Variants in CSRNP3 observed in about 807,000 individuals in gnomAD.
The protein encoded by CSRNP3 is cysteine/serine-rich nuclear protein 3.
CSRNP3 carries 12 observed loss-of-function variants against 48.0 expected under a neutral mutation model. The observed-to-expected ratio is 0.25, with a 90% CI of 0.16 to 0.41. The LOEUF (loss-of-function observed/expected upper bound fraction) is 0.41. Among genes scored for constraint, CSRNP3 ranks in the 10% least tolerant of loss-of-function variants. The probability of loss-of-function intolerance (pLI) is 1.00; values close to 1 mark genes in which losing one functional copy is unlikely to be tolerated. For synonymous variants in CSRNP3, 263 were observed against 269.7 expected (o/e 0.98, Z 0.24); for missense variants, 580 against 724.4 (o/e 0.80, Z 2.29).
At chr2:165,649,747 T>C (rs1686874525) in intron 4 of CSRNP3, among the ~76,000 whole-genome samples, 1 of 152,184 alleles carries the variant, frequency 6.6e-6, no homozygotes, top group African/African-American at 2.4e-5. Context: ...GCTACTTTCA[T>C]AGTAATAAGC....
At chr2:165,470,241 G>A (rs186178826) in intron 1 of CSRNP3, among the ~76,000 whole-genome samples, 8 of 152,122 alleles carry the variant, frequency 5.3e-5, no homozygotes, top group Admixed American at 5.2e-4. Context: ...GACTCTTTTA[G>A]CATTAATTTA....
At chr2:165,603,089 G>C (rs1685944384) in intron 4 of CSRNP3, among the ~76,000 whole-genome samples, 2 of 151,842 alleles carry the variant, frequency 1.3e-5, no homozygotes, top group African/African-American at 4.8e-5. Flanking sequence ...TAGAGACGGG[G>C]CTTCACCGTG....
intron 3 of CSRNP3, among the ~76,000 whole-genome samples, chr2:165,534,546 A>G (rs946352742): frequency 2.0e-5 from 3 of 151,950 alleles, no homozygotes; most frequent in Non-Finnish European, 4.4e-5. Flanking sequence ...GTGCATAGAG[A>G]ATGTTCACTG....
At chr2:165,482,596 T>C (rs6734442) in intron 1 of CSRNP3, among the ~76,000 whole-genome samples, 35,150 of 151,960 alleles carry the variant, frequency 0.23, 4,268 homozygotes, top group East Asian at 0.35. Context: ...GGGATACAGA[T>C]ATCACCACAA....
At chr2:165,485,094 T>C (rs1356361849) in intron 1 of CSRNP3, among the ~76,000 whole-genome samples, 2 of 152,180 alleles carry the variant, frequency 1.3e-5, no homozygotes, top group Non-Finnish European at 2.9e-5. Context: ...TTTCTCACAG[T>C]TCTGGAGGGT....
chr2:165,641,835 C>G (rs2105334707), intron 4 of CSRNP3, among the ~76,000 whole-genome samples: 2 of 152,196 alleles, frequency 1.3e-5, no homozygotes, highest in East Asian at 3.9e-4. Context: ...AAGTTGGATC[C>G]TGCTTTTATA....
chr2:165,599,321 GAAAGA>G (rs1290439381), intron 4 of CSRNP3, among the ~76,000 whole-genome samples: 3 of 145,006 alleles, frequency 2.1e-5, no homozygotes, highest in Non-Finnish European at 4.6e-5. Context: ...AAGAAAGAAA[GAAAGA>G]AAGGAAAAGA....
At chr2:165,635,979 C>T (rs1033649793) in intron 4 of CSRNP3, among the ~76,000 whole-genome samples, 1 of 152,194 alleles carries the variant, frequency 6.6e-6, no homozygotes, top group Non-Finnish European at 1.5e-5. Context: ...TTCACCTCCC[C>T]ACCAGCTTCT....
At chr2:165,605,872 G>A (rs1686001811) in intron 4 of CSRNP3, among the ~76,000 whole-genome samples, 1 of 152,000 alleles carries the variant, frequency 6.6e-6, no homozygotes, top group South Asian at 2.1e-4. Context: ...TACTTGAAAA[G>A]CTGAAATAGT....
intron 4 of CSRNP3, among the ~76,000 whole-genome samples, chr2:165,649,022 T>G (rs539041749): frequency 5.3e-5 from 8 of 152,170 alleles, no homozygotes; most frequent in Non-Finnish European, 1.0e-4. Flanking sequence ...GCATATCTCT[T>G]GCTTGCTTGT....
intron 4 of CSRNP3, among the ~76,000 whole-genome samples, chr2:165,612,358 A>G (rs962547561): frequency 1.3e-5 from 2 of 152,072 alleles, no homozygotes; most frequent in African/African-American, 2.4e-5. Flanking sequence ...AAATCAACAT[A>G]CAAATATCAG....
rs1257312538 is a variant in CSRNP3 at position 165,587,339 on chromosome 2, A to G, written c.-23-7704A>G. 3.9e-5 allele frequency among the ~76,000 whole-genome samples: 6 copies of G among 152,354 alleles called. No homozygotes were observed. The South Asian group carries it at 8.3e-4, about 21-fold the overall frequency. On this transcript the variant is annotated intron_variant, in intron 3 of 6. Transcript: ENST00000651982. ...ATTCATGGATTATACTGATAAATGC[A>G]CAAAAAAGATAAATTGGTGACAGAT...
At chr2:165,506,044 A>T (rs1684422000) in intron 2 of CSRNP3, among the ~76,000 whole-genome samples, 1 of 151,982 alleles carries the variant, frequency 6.6e-6, no homozygotes, top group Non-Finnish European at 1.5e-5. Flanking sequence ...TTCAAATGAT[A>T]CTCTCAATAC....
chr2:165,666,762 GAAGA>G (rs555473496), intron 5 of CSRNP3, among the ~76,000 whole-genome samples: 3 of 121,686 alleles, frequency 2.5e-5, no homozygotes, highest in Non-Finnish European at 3.3e-5. Flanking sequence ...GGAGAGAGAG[GAAGA>G]AAGAAAGAGA....
intron 4 of CSRNP3, among the ~76,000 whole-genome samples, chr2:165,600,929 A>G (rs1685904473): frequency 6.6e-6 from 1 of 152,230 alleles, no homozygotes; most frequent in Non-Finnish European, 1.5e-5. Context: ...GTCAACAGCT[A>G]TGGTAGTAGA....
intron 3 of CSRNP3, among the ~76,000 whole-genome samples, chr2:165,577,547 G>A (rs1685472330): frequency 6.6e-6 from 1 of 151,654 alleles, no homozygotes; most frequent in African/African-American, 2.4e-5. Flanking sequence ...TATAGAGCAA[G>A]GTGAAAGTCA....
At chr2:165,636,067 A>G (rs1256747625) in intron 4 of CSRNP3, among the ~76,000 whole-genome samples, 3 of 152,154 alleles carry the variant, frequency 2.0e-5, no homozygotes, top group Non-Finnish European at 4.4e-5. Flanking sequence ...GTTTATTGCT[A>G]TAACCCAGTT....
At chr2:165,606,493 T>C (rs1686015745) in intron 4 of CSRNP3, among the ~76,000 whole-genome samples, 1 of 151,716 alleles carries the variant, frequency 6.6e-6, no homozygotes, top group South Asian at 2.1e-4. Context: ...AAAGAAGACA[T>C]CATTTCACGT....
Position 165,678,779 on chromosome 2 carries a change from A to G in CSRNP3, c.784A>G (p.Ile262Val), listed in dbSNP as rs778888572. The part of the protein sequence containing the change: ...NTAGRIEFNP[I>V]RVRTHFLHTI... ...AGCAGGTAGAATTGAATTTAATCCTATCCGTGTTCGGACTCACTTTTTGCA... is the reference window on the plus strand; with the variant it reads ...AGCAGGTAGAATTGAATTTAATCCTGTCCGTGTTCGGACTCACTTTTTGCA... The change falls in exon 7 of 7, where the codon ATC (isoleucine) becomes GTC (valine). Residue 262 changes from isoleucine (I) to valine (V), a missense_variant. Physicochemically the swap from Ile to Val is conservative, Grantham distance 29. Around this residue, in one of 4 missense-constraint regions of CSRNP3, gnomAD observed 66 missense variants for 137.6 expected, o/e 0.48. Transcript: ENST00000651982. The G allele has an allele frequency of 1.4e-5, 22 of 1,613,960 alleles. No individual in the cohort carries two copies. In the Admixed American group the frequency reaches 2.7e-4, roughly 20 times the overall value.
Sources: gnomAD v4.1 joint callset for allele counts (sites outside exome capture counted in the v4.1 genomes callset) on GRCh38, gnomAD v4.1.1 for gene constraint, gnomAD v4.1.1 regional missense constraint, MANE v1.5 for transcripts, NCBI Gene and HGNC (gene_info 2026-07-23, HGNC 2026-07-21) for gene names.